IPCEF1: variants seen among roughly 807,000 people sequenced by gnomAD.
The protein encoded by IPCEF1 is interaction protein for cytohesin exchange factors 1, also known as interactor protein for cytohesin exchange factors 1.
IPCEF1 carries 31 observed loss-of-function variants against 50.9 expected under a neutral mutation model. That is an observed-to-expected ratio of 0.61 (90% confidence interval 0.46 to 0.82). IPCEF1 has a LOEUF of 0.82. Among genes scored for constraint, IPCEF1 ranks in the 40% least tolerant of loss-of-function variants. The probability of loss-of-function intolerance (pLI) is 0.00; values close to 1 mark genes in which losing one functional copy is unlikely to be tolerated. For synonymous variants in IPCEF1, 181 were observed against 192.0 expected (o/e 0.94, Z 0.47); for missense variants, 458 against 514.0 (o/e 0.89, Z 1.05).
chr6:154,172,926 C>T (rs1328633988), intron 10 of IPCEF1, among the ~76,000 whole-genome samples: 3 of 152,166 alleles, frequency 2.0e-5, no homozygotes, highest in Non-Finnish European at 2.9e-5. Flanking sequence ...ACAGACACCT[C>T]ATATCAGTGG....
At chr6:154,203,085 G>A (rs971326142) in intron 9 of IPCEF1, among the ~76,000 whole-genome samples, 5 of 152,142 alleles carry the variant, frequency 3.3e-5, no homozygotes, top group Non-Finnish European at 7.3e-5. Context: ...CTAACATTCT[G>A]GAGAAACCAA....
chr6:154,331,401 AAGAAAGAG>A (rs1783662849), intron 1 of IPCEF1, among the ~76,000 whole-genome samples: 2 of 127,900 alleles, frequency 1.6e-5, no homozygotes, highest in African/African-American at 5.5e-5. Flanking sequence ...GAAAGAAAGA[AAGAAAGAG>A]AGAGAAAAAG....
chr6:154,274,890 G>C (rs1314891734), intron 2 of IPCEF1, among the ~76,000 whole-genome samples: 2 of 152,224 alleles, frequency 1.3e-5, no homozygotes, highest in East Asian at 1.9e-4. Context: ...TGTTTCTACA[G>C]AGTTGGGTTT....
At chr6:154,231,543 C>A (rs867655811) in intron 5 of IPCEF1, among the ~76,000 whole-genome samples, 7 of 152,296 alleles carry the variant, frequency 4.6e-5, no homozygotes, top group South Asian at 4.1e-4. Context: ...CAGTGAATAA[C>A]TATGAAAAAC....
chr6:154,291,885 G>A (rs371854220), intron 1 of IPCEF1, among the ~76,000 whole-genome samples: 4 of 151,730 alleles, frequency 2.6e-5, no homozygotes, highest in African/African-American at 7.2e-5. Context: ...GGGTTTCACC[G>A]TGTTAGCCAG....
chr6:154,247,559 G>A, intron 3 of IPCEF1, 71 bp from the exon 4 acceptor site: 4 of 1,335,514 alleles, frequency 3.0e-6, no homozygotes, highest in Non-Finnish European at 4.3e-6. Flanking sequence ...GAGAGAAGGA[G>A]GGAGGAGGTG....
intron 10 of IPCEF1, among the ~76,000 whole-genome samples, chr6:154,171,469 G>A (rs1799865193): frequency 6.6e-6 from 1 of 152,026 alleles, no homozygotes; most frequent in Admixed American, 6.6e-5. Flanking sequence ...TCTGGGAGGG[G>A]ACAAGCAGGA....
Position 154,248,434 on chromosome 6 carries a change from T to C in IPCEF1, c.37-946A>G, listed in dbSNP as rs190727179. On this transcript the variant is annotated intron_variant, in intron 3 of 11. Coordinates refer to ENST00000367220, the MANE Select transcript of IPCEF1 (RefSeq NM_001130700.2). ...CTGATTTAAATTTGAAAGACAACCT[T>C]TTCCGTTAACAGGTAGAGAACTCAG... is the stretch of plus-strand genomic sequence containing the variant. Among the ~76,000 whole-genome samples, 166 of 152,208 alleles carry C rather than the reference T, an allele frequency of 1.1e-3. 1 individual carries two copies. The highest frequency in any genetic ancestry group is 6.8e-3 in the Middle Eastern group (2 of 294).
chr6:154,333,759 A>G (rs1280484473), intron 1 of IPCEF1, among the ~76,000 whole-genome samples: 1 of 151,358 alleles, frequency 6.6e-6, no homozygotes, highest in Non-Finnish European at 1.5e-5. Flanking sequence ...GTATGTATAT[A>G]TGTGTATATA....
chr6:154,352,056 A>G (rs924933172), intron 1 of IPCEF1, among the ~76,000 whole-genome samples: 3 of 152,156 alleles, frequency 2.0e-5, no homozygotes, highest in African/African-American at 7.2e-5. Flanking sequence ...TGATGAGTTG[A>G]TCTATGCAGC....
intron 5 of IPCEF1, among the ~76,000 whole-genome samples, chr6:154,225,115 G>A (rs1157624622): frequency 6.6e-6 from 1 of 152,126 alleles, no homozygotes; most frequent in Non-Finnish European, 1.5e-5. Flanking sequence ...CTGATTTGGG[G>A]ATATTTGCAT....
chr6:154,246,743 G>T lies in IPCEF1; in HGVS notation c.94C>A (p.Arg32=). The change falls in exon 5 of 12, where the codon CGG becomes AGG. Residue 32 remains arginine (R), a synonymous_variant. Coordinates refer to ENST00000367220, the MANE Select transcript of IPCEF1 (RefSeq NM_001130700.2). ...AGATCTTTACACGATATCCTCCTCCGACTCATCGTGAGAAAACCTGCAATG... is the reference window on the plus strand; with the variant it reads ...AGATCTTTACACGATATCCTCCTCCTACTCATCGTGAGAAAACCTGCAATG... The part of the protein sequence containing the change: ...RKTQGFLTMS[R]RRISCKDLGH... 6.2e-7 allele frequency: 1 copy of T among 1,613,712 alleles called. No individual in the cohort carries two copies.
intron 1 of IPCEF1, among the ~76,000 whole-genome samples, chr6:154,318,534 C>T (rs1042117072): frequency 1.8e-4 from 27 of 152,034 alleles, no homozygotes; most frequent in African/African-American, 6.0e-4. Flanking sequence ...ACTAGAATCA[C>T]GATGTGCTTC....
At chr6:154,282,727 T>G (rs943680322) in intron 2 of IPCEF1, among the ~76,000 whole-genome samples, 2 of 152,176 alleles carry the variant, frequency 1.3e-5, no homozygotes, top group Non-Finnish European at 2.9e-5. Flanking sequence ...CTTACTCCTC[T>G]TTGTCACAAT....
intron 1 of IPCEF1, among the ~76,000 whole-genome samples, chr6:154,344,872 CT>C (rs1783996654): frequency 2.6e-5 from 4 of 152,276 alleles, no homozygotes; most frequent in African/African-American, 9.6e-5. Context: ...TCACATGTCA[CT>C]TTGGGTCTTT....
At chr6:154,201,123 G>A (rs1277212777) in intron 9 of IPCEF1, among the ~76,000 whole-genome samples, 1 of 152,134 alleles carries the variant, frequency 6.6e-6, no homozygotes, top group African/African-American at 2.4e-5. Flanking sequence ...CTCCATGATT[G>A]TAAAGTTTCC....
At chr6:154,210,280 A>G (rs1044233897) in intron 9 of IPCEF1, among the ~76,000 whole-genome samples, 1 of 152,220 alleles carries the variant, frequency 6.6e-6, no homozygotes, top group Non-Finnish European at 1.5e-5. Context: ...TGAAAATGCC[A>G]GTATTTTACA....
At chr6:154,304,055 C>A (rs1782867413) in intron 1 of IPCEF1, among the ~76,000 whole-genome samples, 1 of 148,504 alleles carries the variant, frequency 6.7e-6, no homozygotes, top group African/African-American at 2.6e-5. Flanking sequence ...GAAGATCCCA[C>A]TTTTGTAAAA....
At chr6:154,207,779 TA>T (rs2128600645) in intron 9 of IPCEF1, among the ~76,000 whole-genome samples, 1 of 152,304 alleles carries the variant, frequency 6.6e-6, no homozygotes, top group East Asian at 1.9e-4. Context: ...TTTCAATATT[TA>T]AAAAACTACT....
Sources: allele counts gnomAD v4.1 joint callset (sites outside exome capture counted in the v4.1 genomes callset), GRCh38; gene constraint gnomAD v4.1.1; transcripts MANE v1.5; gene names NCBI Gene and HGNC (gene_info 2026-07-23, HGNC 2026-07-21).